The following CEP128 variants were observed in gnomAD, a reference collection of about 807,000 sequenced individuals.
CEP128 encodes centrosomal protein 128kDa.
A neutral mutation model predicts 156.7 loss-of-function variants in CEP128; 132 were observed. The ratio of observed to expected loss-of-function variants is 0.84; its 90% confidence interval spans 0.73 to 0.97. The LOEUF (loss-of-function observed/expected upper bound fraction) is 0.97. Among genes scored for constraint, CEP128 ranks in the 50% least tolerant of loss-of-function variants. CEP128 has a pLI of 0.00. For missense variants in CEP128, 1,252 were observed against 1,281.9 expected (o/e 0.98, Z 0.36); for synonymous variants, 469 against 448.9 (o/e 1.04, Z -0.57).
intron 2 of CEP128, among the ~76,000 whole-genome samples, chr14:80,919,224 A>T (rs12050416): frequency 0.39 from 59,029 of 152,048 alleles, 11,706 homozygotes; most frequent in South Asian, 0.51. Flanking sequence ...TCTGAAGACA[A>T]CTTCACCAGA....
intron 19 of CEP128, among the ~76,000 whole-genome samples, chr14:80,619,706 T>TCAAAA (rs765078464): frequency 8.0e-6 from 1 of 124,498 alleles, no homozygotes; most frequent in Non-Finnish European, 1.7e-5. Context: ...CTGTCTCAAG[T>TCAAAA]TAAAAAAAAA....
chr14:80,923,397 C>T (rs1884982561), intron 2 of CEP128, among the ~76,000 whole-genome samples: 1 of 152,110 alleles, frequency 6.6e-6, no homozygotes, highest in African/African-American at 2.4e-5. Flanking sequence ...GTTATTTGAC[C>T]TAAAGAGCCA....
intron 7 of CEP128, 72 bp downstream of exon 7, chr14:80,899,866 A>G (rs771539595): frequency 6.7e-6 from 7 of 1,052,620 alleles, no homozygotes; most frequent in Non-Finnish European, 8.7e-6. Context: ...CTAGATAAAT[A>G]TGTCAATTAC....
intron 19 of CEP128, among the ~76,000 whole-genome samples, chr14:80,702,060 A>AT (rs1237008815): frequency 1.3e-5 from 2 of 152,084 alleles, no homozygotes; most frequent in Non-Finnish European, 2.9e-5. Flanking sequence ...AGCCCCCAAA[A>AT]GCTCCTTCCC....
At chr14:80,922,220 C>A (rs926276173) in intron 2 of CEP128, among the ~76,000 whole-genome samples, 1 of 152,162 alleles carries the variant, frequency 6.6e-6, no homozygotes, top group African/African-American at 2.4e-5. Context: ...TCCTTTTCCT[C>A]CATGGCAACT....
chr14:80,747,674 G>A (rs1899173378), intron 18 of CEP128, among the ~76,000 whole-genome samples: 1 of 152,172 alleles, frequency 6.6e-6, no homozygotes, highest in Non-Finnish European at 1.5e-5. Flanking sequence ...AGGCATGGTG[G>A]AACACGCCTA....
intron 13 of CEP128, among the ~76,000 whole-genome samples, chr14:80,821,600 T>TACACACACACACACAC (rs71103885): frequency 2.1e-4 from 31 of 145,260 alleles, no homozygotes; most frequent in Non-Finnish European, 3.3e-4. Flanking sequence ...CATACACACA[T>TACACACACACACACAC]ACACACACAC....
Position 80,774,875 on chromosome 14 carries a change from C to G in CEP128, c.2376+3007G>C, listed in dbSNP as rs77403650. Among the ~76,000 whole-genome samples, 827 of 152,310 alleles carry G rather than the reference C, an allele frequency of 5.4e-3. 9 individuals carry two copies. The highest frequency in any genetic ancestry group is 0.019 in the African/African-American group (792 of 41,568). Reference sequence around the variant, plus strand: ...AGCTCTTTTCACATGTGTGCCTCCTCTGTTTCAAATGATTCAACATAGTCT... The same window carrying G: ...AGCTCTTTTCACATGTGTGCCTCCTGTGTTTCAAATGATTCAACATAGTCT... On this transcript the variant is annotated intron_variant, in intron 16 of 24. Transcript: ENST00000555265.
intron 9 of CEP128, among the ~76,000 whole-genome samples, chr14:80,849,039 CAA>C (rs1422871304): frequency 6.6e-6 from 1 of 151,756 alleles, no homozygotes; most frequent in Non-Finnish European, 1.5e-5. Flanking sequence ...TTAGCCCCAG[CAA>C]AAGAGGAGAT....
intron 21 of CEP128, among the ~76,000 whole-genome samples, chr14:80,548,835 C>T (rs1890095787): frequency 6.6e-6 from 1 of 152,144 alleles, no homozygotes; most frequent in African/African-American, 2.4e-5. Context: ...ATTCATTATG[C>T]AATTTCCCAG....
intron 8 of CEP128, among the ~76,000 whole-genome samples, chr14:80,891,574 G>T (rs1360258412): frequency 1.4e-5 from 2 of 141,228 alleles, no homozygotes; most frequent in Admixed American, 7.2e-5. Context: ...AGATGGAATG[G>T]TTACTAGGTG....
intron 19 of CEP128, among the ~76,000 whole-genome samples, chr14:80,582,786 G>C (rs755717928): frequency 1.3e-5 from 2 of 152,046 alleles, no homozygotes; most frequent in African/African-American, 2.4e-5. Context: ...TGAGATATAA[G>C]ATCACTCCTG....
intron 19 of CEP128, among the ~76,000 whole-genome samples, chr14:80,683,643 A>T (rs1013559537): frequency 2.0e-5 from 3 of 152,146 alleles, no homozygotes; most frequent in African/African-American, 7.2e-5. Context: ...AGAATAATAC[A>T]CCTATAAACA....
downstream of CEP128, among the ~76,000 whole-genome samples, chr14:80,494,334 AAACACTGG>A (rs1286888105): frequency 1.3e-5 from 2 of 152,190 alleles, no homozygotes; most frequent in Non-Finnish European, 2.9e-5. Flanking sequence ...AATTGAGAGA[AAACACTGG>A]AACAGTTTGT....
At chr14:80,717,805 C>T (rs914136133) in intron 19 of CEP128, among the ~76,000 whole-genome samples, 5 of 151,998 alleles carry the variant, frequency 3.3e-5, no homozygotes, top group Non-Finnish European at 7.4e-5. Context: ...TCTACTAATC[C>T]TATTTTTCTT....
At chr14:80,516,702 C>T (rs1291909518) in intron 23 of CEP128, among the ~76,000 whole-genome samples, 1 of 152,166 alleles carries the variant, frequency 6.6e-6, no homozygotes, top group African/African-American at 2.4e-5. Context: ...CCTTGTGTTG[C>T]TTTCCACTGT....
chr14:80,623,619 C>CA (rs946576347), intron 19 of CEP128, among the ~76,000 whole-genome samples: 6 of 147,586 alleles, frequency 4.1e-5, no homozygotes, highest in South Asian at 2.2e-4. Flanking sequence ...TGTCATAAAA[C>CA]AAAAAAAAAG....
At chr14:80,560,102 G>T (rs1049347131) in intron 20 of CEP128, among the ~76,000 whole-genome samples, 1 of 152,138 alleles carries the variant, frequency 6.6e-6, no homozygotes, top group African/African-American at 2.4e-5. Context: ...GGTGGACCAA[G>T]GCCATTTGCC....
Position 80,876,232 on chromosome 14 carries a change from C to T in CEP128, c.646-13359G>A, listed in dbSNP as rs556819493. ...CACAACTAAGCTTATCACAGTAAAA[C>T]TATAAATAAAAACAAAGACAAAGAA... On this transcript the variant is annotated intron_variant, in intron 8 of 24. Transcript: ENST00000555265. Among the ~76,000 whole-genome samples, 39 of 151,664 alleles carry T rather than the reference C, an allele frequency of 2.6e-4. 1 individual carries two copies. The South Asian group carries it at 7.1e-3, about 27-fold the overall frequency.
Sources: allele counts gnomAD v4.1 joint callset (sites outside exome capture counted in the v4.1 genomes callset), GRCh38; gene constraint gnomAD v4.1.1; transcripts MANE v1.5; gene names NCBI Gene and HGNC (gene_info 2026-07-23, HGNC 2026-07-21).